Variants in ZNF385B observed in about 807,000 individuals in gnomAD.
The protein encoded by ZNF385B is zinc finger protein 533.
A neutral mutation model predicts 39.2 loss-of-function variants in ZNF385B; 23 were observed. That is an observed-to-expected ratio of 0.59 (90% confidence interval 0.42 to 0.83). The LOEUF (loss-of-function observed/expected upper bound fraction) is 0.83, where lower values mean the gene tolerates loss of function less well. ZNF385B is among the 40% of genes least tolerant of loss of function. ZNF385B has a pLI of 0.00. For missense variants in ZNF385B, 552 were observed against 598.9 expected (o/e 0.92, Z 0.82); for synonymous variants, 205 against 222.6 (o/e 0.92, Z 0.70).
chr2:179,584,298 G>C (rs982909185), intron 3 of ZNF385B, among the ~76,000 whole-genome samples: 2 of 151,890 alleles, frequency 1.3e-5, no homozygotes, highest in African/African-American at 2.4e-5. Context: ...TCCCTGGTGG[G>C]GTGGGGAGGG....
chr2:179,832,785 T>C (rs923268339), intron 1 of ZNF385B, among the ~76,000 whole-genome samples: 2 of 152,136 alleles, frequency 1.3e-5, no homozygotes, highest in Non-Finnish European at 2.9e-5. Context: ...TTAGAGAAAA[T>C]AGTCAAGACC....
chr2:179,742,387 C>G (rs1459201362), intron 3 of ZNF385B, among the ~76,000 whole-genome samples: 1 of 151,992 alleles, frequency 6.6e-6, no homozygotes, highest in Non-Finnish European at 1.5e-5. Context: ...GGTAGAGTTT[C>G]CAGATGCAAT....
chr2:179,519,454 G>A (rs930132485), intron 4 of ZNF385B, among the ~76,000 whole-genome samples: 99 of 152,198 alleles, frequency 6.5e-4, no homozygotes, highest in African/African-American at 2.2e-3. Context: ...ATCAAGTAAA[G>A]TTTTGATTTA....
intron 3 of ZNF385B, among the ~76,000 whole-genome samples, chr2:179,730,106 C>T (rs905010996): frequency 6.6e-6 from 1 of 152,184 alleles, no homozygotes; most frequent in Admixed American, 6.5e-5. Flanking sequence ...TATCTGGACA[C>T]TTGCTCAATC....
chr2:179,732,908 AT>A (rs1439096701), intron 3 of ZNF385B, among the ~76,000 whole-genome samples: 1 of 152,082 alleles, frequency 6.6e-6, no homozygotes, highest in Non-Finnish European at 1.5e-5. Context: ...TTCTTCCTTT[AT>A]TTTTTAATAT....
chr2:179,556,777 T>A (rs1171758598), intron 3 of ZNF385B, among the ~76,000 whole-genome samples: 1 of 149,152 alleles, frequency 6.7e-6, no homozygotes. Context: ...TTGTCTCTGA[T>A]GCTGATGCTT....
intron 5 of ZNF385B, among the ~76,000 whole-genome samples, chr2:179,494,695 A>T (rs1267494969): frequency 1.3e-5 from 2 of 152,004 alleles, no homozygotes; most frequent in Non-Finnish European, 2.9e-5. Context: ...TAGATTCAGC[A>T]ACCAGTTGTT....
chr2:179,756,312 C>T (rs1703012826), intron 3 of ZNF385B, among the ~76,000 whole-genome samples: 1 of 152,214 alleles, frequency 6.6e-6, no homozygotes. Context: ...TTGGCACCCA[C>T]TCTCTTCTGG....
chr2:179,737,874 T>G (rs6727665), intron 3 of ZNF385B, among the ~76,000 whole-genome samples: 13,904 of 152,240 alleles, frequency 0.091, 711 homozygotes, highest in Non-Finnish European at 0.11. Flanking sequence ...GCGCTTTGAA[T>G]GCCTCAGAAA....
At position 179,846,704 on chromosome 2, in the gene ZNF385B, T is replaced by A. The variant is rs1708817812; in HGVS notation, c.-155+14397A>T. On this transcript the variant is annotated intron_variant, in intron 1 of 9. Transcript: ENST00000410066. ...CTAGATTACTGTATTTCTCAGAATTTAATGTGCAAACAAAACCCCTGAAGG... is the reference window on the plus strand; with the variant it reads ...CTAGATTACTGTATTTCTCAGAATTAAATGTGCAAACAAAACCCCTGAAGG... Among the ~76,000 whole-genome samples the A allele has an allele frequency of 2.6e-5, 4 of 152,336 alleles. No homozygotes were observed. The South Asian group carries it at 6.2e-4, about 24-fold the overall frequency.
chr2:179,792,820 GAAGGGAAAGGGA>G (rs375147007), intron 1 of ZNF385B, among the ~76,000 whole-genome samples: 2 of 152,182 alleles, frequency 1.3e-5, no homozygotes, highest in African/African-American at 4.8e-5. Flanking sequence ...GAAGGGAAGG[GAAGGGAAAGGGA>G]AAGGGAAAGG....
intron 1 of ZNF385B, among the ~76,000 whole-genome samples, chr2:179,825,141 G>C (rs1241770454): frequency 6.6e-6 from 1 of 152,116 alleles, no homozygotes; most frequent in Non-Finnish European, 1.5e-5. Flanking sequence ...GGACCAATCA[G>C]TGGTCATATG....
At chr2:179,465,947 G>A (rs774497784) in intron 6 of ZNF385B, among the ~76,000 whole-genome samples, 10 of 152,154 alleles carry the variant, frequency 6.6e-5, no homozygotes, top group Admixed American at 1.3e-4. Flanking sequence ...CAATACGTTT[G>A]CTGAAATAAG....
At chr2:179,673,369 C>A (rs527906105) in intron 3 of ZNF385B, among the ~76,000 whole-genome samples, 1 of 151,942 alleles carries the variant, frequency 6.6e-6, no homozygotes, top group African/African-American at 2.4e-5. Context: ...AAACATCATA[C>A]GCTTTTCACA....
intron 6 of ZNF385B, among the ~76,000 whole-genome samples, chr2:179,474,741 G>A: frequency 6.6e-6 from 1 of 152,048 alleles, no homozygotes; most frequent in East Asian, 1.9e-4. Flanking sequence ...GATGATAGCT[G>A]ACCACTACAA....
chr2:179,592,850 G>A (rs1001179948), intron 3 of ZNF385B, among the ~76,000 whole-genome samples: 2 of 152,038 alleles, frequency 1.3e-5, no homozygotes, highest in African/African-American at 4.8e-5. Context: ...TTGTTATTGA[G>A]AGCAGGCCCC....
chr2:179,730,702 G>C (rs932421940), intron 3 of ZNF385B, among the ~76,000 whole-genome samples: 1 of 151,842 alleles, frequency 6.6e-6, no homozygotes, highest in Non-Finnish European at 1.5e-5. Context: ...CTCAATAAAT[G>C]ATATTGAATG....
At chr2:179,839,403 C>G (rs1403281052) in intron 1 of ZNF385B, among the ~76,000 whole-genome samples, 2 of 152,088 alleles carry the variant, frequency 1.3e-5, no homozygotes, top group Non-Finnish European at 2.9e-5. Context: ...CCTTTCTGGG[C>G]CAGAAAAGGC....
chr2:179,687,622 A>T (rs1698024427), intron 3 of ZNF385B, among the ~76,000 whole-genome samples: 1 of 152,174 alleles, frequency 6.6e-6, no homozygotes, highest in Non-Finnish European at 1.5e-5. Context: ...GTAATATCAT[A>T]AAGCGGGTAT....
Sources: gnomAD v4.1 joint callset for allele counts (sites outside exome capture counted in the v4.1 genomes callset) on GRCh38, gnomAD v4.1.1 for gene constraint, MANE v1.5 for transcripts, NCBI Gene and HGNC (gene_info 2026-07-23, HGNC 2026-07-21) for gene names.